FANCC: variants seen among roughly 807,000 people sequenced by gnomAD.
FANCC encodes Fanconi anemia group C protein.
A neutral mutation model predicts 71.3 loss-of-function variants in FANCC; 55 were observed. That is an observed-to-expected ratio of 0.77 (90% CI 0.62 to 0.97). The LOEUF (loss-of-function observed/expected upper bound fraction) is 0.97, where lower values mean the gene tolerates loss of function less well. Among genes scored for constraint, FANCC ranks in the 50% least tolerant of loss-of-function variants. The pLI, the probability that FANCC is intolerant of heterozygous loss-of-function variation, is 0.00. For synonymous variants in FANCC, 275 were observed against 244.9 expected (o/e 1.12, Z -1.15); for missense variants, 678 against 670.9 (o/e 1.01, Z -0.12).
chr9:95,298,259 C>T (rs1169865088), intron 1 of FANCC, among the ~76,000 whole-genome samples: 1 of 152,086 alleles, frequency 6.6e-6, no homozygotes, highest in Non-Finnish European at 1.5e-5. Context: ...AAAGATGTTG[C>T]TTAGGTTTCT....
chr9:95,150,134 T>A, intron 6 of FANCC, 47 bp from the exon 7 acceptor site: 4 of 1,604,808 alleles, frequency 2.5e-6, no homozygotes, highest in Non-Finnish European at 8.5e-7. Flanking sequence ...GAGCCATGCA[T>A]AATTAAGGAC....
intron 1 of FANCC, among the ~76,000 whole-genome samples, chr9:95,265,450 C>T (rs2136191089): frequency 6.6e-6 from 1 of 152,332 alleles, no homozygotes; most frequent in Non-Finnish European, 1.5e-5. Flanking sequence ...GCCATCGAGG[C>T]TGCTAAGACA....
At chr9:95,106,050 T>C (rs1443637964) in intron 14 of FANCC, among the ~76,000 whole-genome samples, 2 of 152,206 alleles carry the variant, frequency 1.3e-5, no homozygotes, top group East Asian at 3.8e-4. Flanking sequence ...CCCATTCTTC[T>C]CCACAGTAGC....
Position 95,135,259 on chromosome 9 carries a change from A to AC in FANCC, c.843+86_843+87insG. ...AGGTTCCAATTGCTCTTTTGTTTACATCCCCCCCTTTCATTCTCTGACTAA... is the reference window on the plus strand; with the variant it reads ...AGGTTCCAATTGCTCTTTTGTTTACACTCCCCCCCTTTCATTCTCTGACTAA... On this transcript the variant is annotated intron_variant, in intron 8 of 14. Transcript: ENST00000289081. The AC allele has an allele frequency of 2.3e-6, 3 of 1,314,440 alleles. No homozygotes were observed. The South Asian group carries it at 3.6e-5, about 16-fold the overall frequency. The allele number at this position is 1,314,440 out of a possible 1,614,324, so 81.4% of individuals were successfully genotyped here.
intron 4 of FANCC, among the ~76,000 whole-genome samples, chr9:95,223,115 T>C (rs1829384674): frequency 6.6e-6 from 1 of 152,232 alleles, no homozygotes; most frequent in Non-Finnish European, 1.5e-5. Context: ...TTTTTGTATG[T>C]AATAAAAACC....
chr9:95,122,311 G>A (rs943384437), intron 10 of FANCC, among the ~76,000 whole-genome samples: 1 of 152,132 alleles, frequency 6.6e-6, no homozygotes, highest in East Asian at 1.9e-4. Flanking sequence ...AGAGGGTCAC[G>A]CATCTACCAA....
intron 4 of FANCC, among the ~76,000 whole-genome samples, chr9:95,189,478 C>A (rs1272993554): frequency 6.6e-6 from 1 of 152,076 alleles, no homozygotes. Context: ...ACAAAGTCTG[C>A]AGCTTTTACT....
At chr9:95,225,400 T>C (rs912425435) in intron 4 of FANCC, among the ~76,000 whole-genome samples, 3 of 152,144 alleles carry the variant, frequency 2.0e-5, no homozygotes, top group African/African-American at 2.4e-5. Flanking sequence ...ATCTGGAACA[T>C]AGAGACCTAA....
chr9:95,161,862 G>A (rs1830769568), intron 6 of FANCC, among the ~76,000 whole-genome samples: 1 of 122,542 alleles, frequency 8.2e-6, no homozygotes, highest in African/African-American at 3.1e-5. Context: ...TTTTTTTTGA[G>A]ACATAATCTT....
At chr9:95,205,973 T>G (rs752277927) in intron 4 of FANCC, among the ~76,000 whole-genome samples, 1 of 152,186 alleles carries the variant, frequency 6.6e-6, no homozygotes, top group Non-Finnish European at 1.5e-5. Flanking sequence ...AATGAAAAGT[T>G]GCTAACTTCT....
At chr9:95,152,508 G>A (rs913845159) in intron 6 of FANCC, among the ~76,000 whole-genome samples, 10 of 152,232 alleles carry the variant, frequency 6.6e-5, no homozygotes. Context: ...CACACCCAGT[G>A]AACCGGGGAG....
In FANCC at chr9:95,215,277, T is replaced by C. The variant is rs535993003; in HGVS notation, c.345+25372A>G. ...TTAAATTCCTAAAAACAAGAGCCTC[T>C]CTTAGGGGAGCAGAGAGCAGTTTAT... On this transcript the variant is annotated intron_variant, in intron 4 of 14. Coordinates refer to ENST00000289081, the MANE Select transcript of FANCC (RefSeq NM_000136.3). Among the ~76,000 whole-genome samples, 5 of 152,070 alleles carry C rather than the reference T, an allele frequency of 3.3e-5. No homozygotes were observed. In the South Asian group the frequency reaches 1.0e-3, roughly 32 times the overall value.
At chr9:95,175,369 A>AG (rs1211025793) in intron 4 of FANCC, among the ~76,000 whole-genome samples, 1 of 152,244 alleles carries the variant, frequency 6.6e-6, no homozygotes, top group Non-Finnish European at 1.5e-5. Context: ...TCCACTGGAA[A>AG]GGGGTAAAAA....
chr9:95,124,231 C>T lies in FANCC; in HGVS notation c.996+855G>A, dbSNP rs534472530. Among the ~76,000 whole-genome samples the T allele has an allele frequency of 1.4e-4, 21 of 151,726 alleles. No homozygotes were observed. In the South Asian group the frequency reaches 3.3e-3, roughly 24 times the overall value. ...AGTTCTCCTCTCGGAAGTCAAACTG[C>T]GGAGAGCTTCACAGGGGCCGTGACA... is the stretch of plus-strand genomic sequence containing the variant. On this transcript the variant is annotated intron_variant, in intron 10 of 14. Transcript: ENST00000289081.
At chr9:95,241,551 T>C (rs1830630367) in intron 3 of FANCC, among the ~76,000 whole-genome samples, 1 of 152,172 alleles carries the variant, frequency 6.6e-6, no homozygotes, top group Admixed American at 6.5e-5. Flanking sequence ...GTACCCGAGC[T>C]AGGGCAAAGC....
chr9:95,234,095 G>C (rs911595490), intron 4 of FANCC, among the ~76,000 whole-genome samples: 2 of 152,228 alleles, frequency 1.3e-5, no homozygotes, highest in Non-Finnish European at 2.9e-5. Flanking sequence ...AAAGAAGTCA[G>C]AGATTAAAAA....
At chr9:95,255,838 A>C (rs1831622801) in intron 1 of FANCC, among the ~76,000 whole-genome samples, 1 of 151,498 alleles carries the variant, frequency 6.6e-6, no homozygotes, top group African/African-American at 2.4e-5. Context: ...GAATAATATA[A>C]ATGACCTGAT....
rs2134374479 is a variant in FANCC, at chr9:95,100,374, A to G, written c.*1333T>C. 1 of 231,636 alleles carries G rather than the reference A, an allele frequency of 4.3e-6. No homozygotes were observed. Among genetic ancestry groups the G allele is most frequent in the Non-Finnish European group, 8.5e-6 (1 of 116,978 alleles). 14.3% of individuals were successfully genotyped at this position (231,636 alleles called of 1,614,324 possible). On this transcript the variant is annotated 3_prime_UTR_variant, in exon 15 of 15. Transcript: ENST00000289081. Reference sequence around the variant, plus strand: ...AATTTTCCAGATCTTCAGTGGATCTATTAGCATTGCCACATACCAAAATAA... The same window carrying G: ...AATTTTCCAGATCTTCAGTGGATCTGTTAGCATTGCCACATACCAAAATAA...
In FANCC at chr9:95,172,120, G is replaced by C; in HGVS notation, c.373C>G (p.Leu125Val). ...AGAGCAACTTCTTTATCAAATCTGAGTGCTGAAAGTATATGAGATAATACA... is the reference window on the plus strand; with the variant it reads ...AGAGCAACTTCTTTATCAAATCTGACTGCTGAAAGTATATGAGATAATACA... ...QGVLSHILSALRFDKEVALFT... is the reference protein window; with the variant it reads ...QGVLSHILSAVRFDKEVALFT... The change falls in exon 5 of 15, where the codon CTC (leucine) becomes GTC (valine). Residue 125 changes from leucine to valine, a missense_variant. By Grantham distance (32) the Leu-to-Val change is conservative. Transcript: ENST00000289081. 6.2e-7 allele frequency: 1 copy of C among 1,612,404 alleles called. No individual in the cohort carries two copies. The highest frequency in any genetic ancestry group is 1.1e-5 in the South Asian group (1 of 91,044).
Sources: gnomAD v4.1 joint callset for allele counts (sites outside exome capture counted in the v4.1 genomes callset) on GRCh38, gnomAD v4.1.1 for gene constraint, MANE v1.5 for transcripts, NCBI Gene and HGNC (gene_info 2026-07-23, HGNC 2026-07-21) for gene names.